TMEFF2: variants seen among roughly 807,000 people sequenced by gnomAD.
The protein encoded by TMEFF2 is transmembrane protein with EGF like and two follistatin like domains 2.
In TMEFF2, 28 loss-of-function variants were observed where a neutral mutation model predicts 53.8. The observed-to-expected ratio is 0.52, with a 90% CI of 0.39 to 0.71. The LOEUF (loss-of-function observed/expected upper bound fraction) is 0.71, where lower values mean the gene tolerates loss of function less well. TMEFF2 is among the 30% of genes least tolerant of loss of function. TMEFF2 has a pLI of 0.00. For missense variants in TMEFF2, 353 were observed against 455.2 expected (o/e 0.78, Z 2.04); for synonymous variants, 162 against 166.3 (o/e 0.97, Z 0.20).
rs10168870 is a variant in TMEFF2 at position 192,053,835 on chromosome 2, T to C, written c.536+3844A>G. Among the ~76,000 whole-genome samples, 754 of 152,282 alleles carry C rather than the reference T, an allele frequency of 5.0e-3. 9 individuals carry two copies. The highest frequency in any genetic ancestry group is 0.017 in the African/African-American group (719 of 41,552). ...TTCTATGCCTATTTAATTTCACTCA[T>C]TGCTTTATTCCTGTGTCCTTCAGCT... On this transcript the variant is annotated intron_variant, in intron 5 of 9. Transcript: ENST00000272771.
At chr2:191,955,164 GGAGAGAGA>G (rs1228502527) in intron 8 of TMEFF2, among the ~76,000 whole-genome samples, 97 of 8,942 alleles carry the variant, frequency 0.011, no homozygotes, top group Admixed American at 0.024. Flanking sequence ...AGGAAGAGTG[GGAGAGAGA>G]GGGAGAGAGA....
chr2:191,974,252 T>C (rs1692737100), intron 7 of TMEFF2, among the ~76,000 whole-genome samples: 1 of 152,122 alleles, frequency 6.6e-6, no homozygotes, highest in Non-Finnish European at 1.5e-5. Context: ...TATAGATAAT[T>C]GAGACAGAAT....
chr2:192,031,827 G>A (rs1687145647), intron 5 of TMEFF2: 1 of 152,188 alleles, frequency 6.6e-6, no homozygotes, highest in Non-Finnish European at 1.5e-5. Context: ...ATGACCCACA[G>A]CCTTTCTTGC....
rs1309094807 is a variant in TMEFF2 at position 192,042,695 on chromosome 2, G to A, written c.536+14984C>T. Among the ~76,000 whole-genome samples the A allele has an allele frequency of 3.3e-5, 5 of 152,180 alleles. No individual in the cohort carries two copies. The East Asian group carries it at 9.6e-4, about 29-fold the overall frequency. On this transcript the variant is annotated intron_variant, in intron 5 of 9. Transcript: ENST00000272771. ...ATTGCAACTTGGGGAATTTGAAAGA[G>A]CTCTGGCAGTTTGGTTGCTTGGTTG...
intron 7 of TMEFF2, among the ~76,000 whole-genome samples, chr2:191,972,277 T>A (rs1458591819): frequency 6.8e-6 from 1 of 147,150 alleles, no homozygotes; most frequent in African/African-American, 2.5e-5. Context: ...CCCGAATAGC[T>A]GGGATTACAG....
intron 4 of TMEFF2, among the ~76,000 whole-genome samples, chr2:192,119,306 G>T (rs147233506): frequency 8.7e-4 from 132 of 152,284 alleles, no homozygotes; most frequent in Non-Finnish European, 1.6e-3. Flanking sequence ...CATAATTGAG[G>T]TTCAAAGTTA....
intron 4 of TMEFF2, among the ~76,000 whole-genome samples, chr2:192,081,088 C>A (rs976386542): frequency 6.6e-6 from 1 of 152,080 alleles, no homozygotes; most frequent in Non-Finnish European, 1.5e-5. Flanking sequence ...CATCTTGTAA[C>A]AGGTATTTTC....
intron 4 of TMEFF2, among the ~76,000 whole-genome samples, chr2:192,115,128 G>A (rs1257577398): frequency 3.3e-5 from 5 of 151,788 alleles, no homozygotes; most frequent in African/African-American, 1.2e-4. Flanking sequence ...ATTAGCTAAA[G>A]CAACCTTGAG....
At chr2:192,119,522 A>T (rs932781653) in intron 4 of TMEFF2, among the ~76,000 whole-genome samples, 6 of 152,256 alleles carry the variant, frequency 3.9e-5, no homozygotes, top group Non-Finnish European at 7.3e-5. Flanking sequence ...TATGCCTTTT[A>T]GCATGTCTTT....
chr2:192,071,276 C>T (rs1447337199), intron 4 of TMEFF2, among the ~76,000 whole-genome samples: 1 of 151,864 alleles, frequency 6.6e-6, no homozygotes, highest in Non-Finnish European at 1.5e-5. Context: ...TAACCAACTG[C>T]AGTGAACAAG....
At chr2:192,151,313 G>A (rs897031985) in intron 4 of TMEFF2, among the ~76,000 whole-genome samples, 2 of 151,770 alleles carry the variant, frequency 1.3e-5, no homozygotes, top group Non-Finnish European at 2.9e-5. Flanking sequence ...ATGGGCATCA[G>A]TTACTTTTTA....
At chr2:192,080,656 C>T (rs1002339230) in intron 4 of TMEFF2, among the ~76,000 whole-genome samples, 3 of 152,068 alleles carry the variant, frequency 2.0e-5, no homozygotes, top group Non-Finnish European at 1.5e-5. Context: ...TTACACATAT[C>T]GATTTAAATG....
intron 3 of TMEFF2, 27 bp downstream of exon 3, chr2:192,184,327 A>C: frequency 6.2e-7 from 1 of 1,610,938 alleles, no homozygotes; most frequent in African/African-American, 1.3e-5. Context: ...TCCATGCAGA[A>C]GGTTTCAAAG....
At chr2:192,173,496 T>C (rs2356959) in intron 4 of TMEFF2, among the ~76,000 whole-genome samples, 150,521 of 151,852 alleles carry the variant, frequency 0.99, 74,611 homozygotes, top group Middle Eastern at 1. Context: ...CAATGCTTAG[T>C]GCCCTCACAA....
In TMEFF2 at chr2:192,194,902, C is replaced by A. The variant is rs1574454213; in HGVS notation, c.-378G>T. 4.6e-6 allele frequency: 1 copy of A among 218,888 alleles called. No individual in the cohort carries two copies. Among genetic ancestry groups the A allele is most frequent in the South Asian group, 7.4e-5 (1 of 13,444 alleles). 13.6% of individuals were successfully genotyped at this position (218,888 alleles called of 1,614,324 possible). A position where few individuals can be genotyped will look rare whatever the true frequency, so the allele number is the denominator to read the frequency against. ...TCAAGGCGCCCCGCAGCCCGGCAGC[C>A]GCCTCTCGAGCTCTGCCGCCCGCAT... On this transcript the variant is annotated 5_prime_UTR_variant, in exon 1 of 10. Transcript: ENST00000272771. The surrounding 1 kb of genome is among the most constrained non-coding windows in gnomAD (Gnocchi z 4.2).
intron 3 of TMEFF2, among the ~76,000 whole-genome samples, chr2:192,181,394 C>A (rs1691180902): frequency 6.6e-6 from 1 of 151,762 alleles, no homozygotes; most frequent in Non-Finnish European, 1.5e-5. Context: ...CCCCTATAAA[C>A]TTCTTTAAGT....
chr2:192,192,887 T>C (rs931775062), intron 1 of TMEFF2, among the ~76,000 whole-genome samples: 3 of 152,152 alleles, frequency 2.0e-5, no homozygotes, highest in Middle Eastern at 3.2e-3. Context: ...ACAACACACA[T>C]GTACGCATGA....
chr2:191,952,512 T>A lies in TMEFF2; in HGVS notation c.1028+1167A>T, dbSNP rs116438889. On this transcript the variant is annotated intron_variant, in intron 9 of 9. Coordinates refer to ENST00000272771, the MANE Select transcript of TMEFF2 (RefSeq NM_016192.4). ...TATATGCAGTATTTTTGGTTTCTTG[T>A]AATCCTTATGTTCCCCAGAATCTAT... Among the ~76,000 whole-genome samples the A allele has an allele frequency of 6.6e-3, 1,006 of 152,290 alleles. 11 individuals carry two copies. The highest frequency in any genetic ancestry group is 0.022 in the African/African-American group (931 of 41,574).
intron 4 of TMEFF2, among the ~76,000 whole-genome samples, chr2:192,111,491 C>T (rs1232422748): frequency 6.6e-6 from 1 of 152,054 alleles, no homozygotes; most frequent in Non-Finnish European, 1.5e-5. Context: ...TTCTAAGCAG[C>T]AAAACATTTA....
Sources: allele counts gnomAD v4.1 joint callset (sites outside exome capture counted in the v4.1 genomes callset), GRCh38; gene constraint gnomAD v4.1.1; non-coding constraint Gnocchi (gnomAD v3.1); transcripts MANE v1.5; gene names NCBI Gene and HGNC (gene_info 2026-07-23, HGNC 2026-07-21).